Variants in GPC6 observed in about 807,000 individuals in gnomAD.
GPC6 encodes glypican 6.
Under a neutral mutation model 55.2 loss-of-function variants are expected in GPC6, and 14 were observed. The observed-to-expected ratio is 0.25, with a 90% CI of 0.17 to 0.40. The LOEUF is 0.40. Ranked by LOEUF, GPC6 falls within the 10% of genes least tolerant of loss-of-function variation. The probability of loss-of-function intolerance (pLI) is 1.00; values close to 1 mark genes in which losing one functional copy is unlikely to be tolerated. For missense variants in GPC6, 641 were observed against 708.5 expected, an observed-to-expected ratio of 0.90 and a Z score of 1.08; for synonymous variants, 278 against 259.6, an observed-to-expected ratio of 1.07 and a Z score of -0.68.
intron 4 of GPC6, among the ~76,000 whole-genome samples, chr13:94,195,691 C>G (rs1409164560): frequency 6.6e-6 from 1 of 152,192 alleles, no homozygotes; most frequent in Non-Finnish European, 1.5e-5. Context: ...GTAGTAAGAG[C>G]TATGAGACTT....
intron 1 of GPC6, among the ~76,000 whole-genome samples, chr13:93,280,941 G>T (rs1877929372): frequency 6.6e-6 from 1 of 152,188 alleles, no homozygotes; most frequent in Admixed American, 6.5e-5. Flanking sequence ...AGGCTGTAAT[G>T]CTCGTCCCTT....
intron 1 of GPC6, among the ~76,000 whole-genome samples, chr13:93,278,714 T>G (rs1877846943): frequency 6.6e-6 from 1 of 152,188 alleles, no homozygotes; most frequent in Non-Finnish European, 1.5e-5. Flanking sequence ...TTTATATAAT[T>G]TGTAAAGCAG....
chr13:94,370,148 A>G (rs987093926), intron 6 of GPC6, among the ~76,000 whole-genome samples: 6 of 152,236 alleles, frequency 3.9e-5, no homozygotes, highest in Non-Finnish European at 8.8e-5. Context: ...CTGTTCTTGG[A>G]GGCTAAAACT....
intron 3 of GPC6, among the ~76,000 whole-genome samples, chr13:93,952,008 T>C (rs894048097): frequency 2.6e-5 from 4 of 152,162 alleles, no homozygotes; most frequent in African/African-American, 9.6e-5. Flanking sequence ...GGCTCTGTTC[T>C]TAGCACAGCC....
intron 1 of GPC6, among the ~76,000 whole-genome samples, chr13:93,355,236 G>T (rs1287837336): frequency 6.6e-6 from 1 of 152,130 alleles, no homozygotes; most frequent in Non-Finnish European, 1.5e-5. Context: ...GCATTTTCGG[G>T]GGATAAATAG....
intron 4 of GPC6, among the ~76,000 whole-genome samples, chr13:94,205,355 C>T (rs918404234): frequency 1.3e-5 from 2 of 152,148 alleles, no homozygotes; most frequent in Non-Finnish European, 2.9e-5. Flanking sequence ...ATGGTCATTA[C>T]GTTTCTTGTG....
chr13:93,769,691 G>T (rs562819271), intron 2 of GPC6, among the ~76,000 whole-genome samples: 1 of 152,054 alleles, frequency 6.6e-6, no homozygotes, highest in South Asian at 2.1e-4. Context: ...TTATTTTATG[G>T]GTGGCTTGGC....
At chr13:94,204,222 T>G (rs1327539942) in intron 4 of GPC6, among the ~76,000 whole-genome samples, 2 of 152,136 alleles carry the variant, frequency 1.3e-5, no homozygotes, top group African/African-American at 4.8e-5. Flanking sequence ...ACATAAATAC[T>G]TTAAGCTGAT....
intron 2 of GPC6, among the ~76,000 whole-genome samples, chr13:93,594,534 A>T (rs986437951): frequency 6.6e-6 from 1 of 152,044 alleles, no homozygotes; most frequent in Non-Finnish European, 1.5e-5. Context: ...ATCATCTGAA[A>T]CCCACCTACA....
chr13:93,726,100 T>TCACACACACACACA (rs1358564731), intron 2 of GPC6, among the ~76,000 whole-genome samples: 1 of 93,630 alleles, frequency 1.1e-5, no homozygotes, highest in Non-Finnish European at 2.2e-5. Flanking sequence ...ACTTTTTCCT[T>TCACACACACACACA]CATACACACA....
intron 2 of GPC6, among the ~76,000 whole-genome samples, chr13:93,739,916 G>C (rs374217534): frequency 6.6e-6 from 1 of 152,080 alleles, no homozygotes; most frequent in East Asian, 1.9e-4. Flanking sequence ...GATTGTGAAA[G>C]GTACTATGAA....
At chr13:93,952,843 CAT>C (rs1156750950) in intron 3 of GPC6, among the ~76,000 whole-genome samples, 24 of 142,362 alleles carry the variant, frequency 1.7e-4, no homozygotes, top group East Asian at 2.1e-4. Context: ...ATATATCACA[CAT>C]ATATATACGT....
chr13:94,355,592 A>G (rs1878757573), intron 6 of GPC6, among the ~76,000 whole-genome samples: 1 of 152,170 alleles, frequency 6.6e-6, no homozygotes. Flanking sequence ...ATGAAATTGT[A>G]TGCTATTAAT....
intron 1 of GPC6, among the ~76,000 whole-genome samples, chr13:93,308,232 C>A (rs182816932): frequency 6.6e-6 from 1 of 152,068 alleles, no homozygotes; most frequent in East Asian, 1.9e-4. Flanking sequence ...TTGCAGTGAG[C>A]CGAGATTGCG....
At chr13:93,727,869 T>G (rs1014176805) in intron 2 of GPC6, among the ~76,000 whole-genome samples, 1 of 152,068 alleles carries the variant, frequency 6.6e-6, no homozygotes, top group African/African-American at 2.4e-5. Flanking sequence ...GTGAACTCGC[T>G]GCTAAACATT....
chr13:93,350,207 G>T (rs1880583743), intron 1 of GPC6, among the ~76,000 whole-genome samples: 1 of 152,106 alleles, frequency 6.6e-6, no homozygotes, highest in Admixed American at 6.6e-5. Flanking sequence ...GGCTAAGGCG[G>T]GTGGATCACT....
At chr13:93,318,168 A>G (rs904102907) in intron 1 of GPC6, among the ~76,000 whole-genome samples, 6 of 152,182 alleles carry the variant, frequency 3.9e-5, no homozygotes, top group African/African-American at 1.4e-4. Context: ...CACATAGAGT[A>G]GAGCAGCTTA....
chr13:94,313,760 C>A (rs181080168), intron 6 of GPC6, among the ~76,000 whole-genome samples: 55 of 152,312 alleles, frequency 3.6e-4, no homozygotes, highest in Non-Finnish European at 5.9e-4. Context: ...CTTTTCAACT[C>A]TGGATTAAAC....
chr13:93,347,442 A>G (rs890521676), intron 1 of GPC6, among the ~76,000 whole-genome samples: 1 of 152,176 alleles, frequency 6.6e-6, no homozygotes, highest in East Asian at 1.9e-4. Flanking sequence ...GGTGAGAGAA[A>G]TGATTTTAGC....
Sources: allele counts gnomAD v4.1 joint callset (sites outside exome capture counted in the v4.1 genomes callset), GRCh38; gene constraint gnomAD v4.1.1; transcripts MANE v1.5; gene names NCBI Gene and HGNC (gene_info 2026-07-23, HGNC 2026-07-21).